SYS1: variants seen among roughly 807,000 people sequenced by gnomAD.
The protein encoded by SYS1 is SYS1 golgi trafficking protein.
Under a neutral mutation model 17.8 loss-of-function variants are expected in SYS1, and 8 were observed. That is an observed-to-expected ratio of 0.45 (90% CI 0.26 to 0.81). The LOEUF is 0.81. SYS1 is among the 40% of genes least tolerant of loss of function. The pLI, the probability that SYS1 is intolerant of heterozygous loss-of-function variation, is 0.16. For missense variants in SYS1, 161 were observed against 203.9 expected (o/e 0.79, Z 1.28); for synonymous variants, 95 against 90.9 (o/e 1.05, Z -0.26).
At position 45,365,638 on chromosome 20, in the gene SYS1, C is replaced by T. The variant is rs765679893; in HGVS notation, c.182C>T (p.Pro61Leu). The change falls in exon 3 of 4, where the codon CCT (proline) becomes CTT (leucine). Residue 61 changes from proline (P) to leucine (L), a missense_variant. Pro to Leu is a moderately conservative substitution (Grantham distance 98). Transcript: ENST00000243918. ...CCTCAGATCCTGGGCTTTTCCACCC[C>T]TCCAGGCCGGCTCTCCATGATGTCC... Reference protein sequence around the residue: ...FDAEILGFSTPPGRLSMMSFI... With the variant: ...FDAEILGFSTLPGRLSMMSFI... 17 of 1,614,050 alleles carry T rather than the reference C, an allele frequency of 1.1e-5. 1 individual carries two copies. The highest frequency in any genetic ancestry group is 1.6e-4 in the Middle Eastern group (1 of 6,084).
upstream of SYS1, chr20:45,362,045 G>C (rs1214688931): frequency 6.5e-5 from 64 of 984,622 alleles, no homozygotes; most frequent in Non-Finnish European, 7.6e-5. Context: ...TTATCGATTT[G>C]CTCTTGCTTT....
chr20:45,363,434 T>C, intron 1 of SYS1, 95 bp from the exon 2 acceptor site: 3 of 1,469,082 alleles, frequency 2.0e-6, no homozygotes, highest in Non-Finnish European at 1.8e-6. Flanking sequence ...ACTCTTGGAA[T>C]GGGCTCACCC....
exon 4 of SYS1, chr20:45,374,856 C>T (rs145520712): frequency 2.3e-5 from 17 of 755,200 alleles, no homozygotes; most frequent in Middle Eastern, 3.9e-4. Context: ...CTAGTCACTA[C>T]CCTTCTGTAT....
Position 45,364,465 on chromosome 20 carries a change from C to CTTTTTTTT in SYS1, c.162+789_162+796dup, listed in dbSNP as rs386393831. On this transcript the variant is annotated intron_variant, in intron 2 of 3. Coordinates refer to ENST00000243918, the MANE Select transcript of SYS1 (RefSeq NM_033542.4). The stretch of plus-strand genomic sequence containing the variant: ...CTGTGGCGTGGTGATGAGCACAGTT[C>CTTTTTTTT]TTTTTTTTTTTTTTTTTTTTTTTTG... Among the ~76,000 whole-genome samples, 23 of 80,130 alleles carry CTTTTTTTT rather than the reference C, an allele frequency of 2.9e-4. 3 individuals are homozygous for CTTTTTTTT. Among genetic ancestry groups the CTTTTTTTT allele is most frequent in the East Asian group, 8.7e-4 (2 of 2,304 alleles). The allele number at this position is 80,130 out of a possible 152,430, so 52.6% of individuals were successfully genotyped here.
intron 2 of SYS1, among the ~76,000 whole-genome samples, chr20:45,364,120 G>T (rs1490967969): frequency 1.3e-5 from 2 of 152,204 alleles, no homozygotes; most frequent in Admixed American, 6.5e-5. Context: ...GTGACCTGGG[G>T]CAAATGTCAC....
At position 45,368,930 on chromosome 20, in the gene SYS1, T is replaced by A; in HGVS notation, c.*1815T>A. On this transcript the variant is annotated 3_prime_UTR_variant, in exon 4 of 4. Transcript: ENST00000243918. The stretch of plus-strand genomic sequence containing the variant: ...GATTCACTTCAAGGTCTTGTGCCTA[T>A]TTTTCTGCATATCTTCTGTGATGAC... 5.3e-6 allele frequency: 5 copies of A among 935,570 alleles called. No homozygotes were observed. The highest frequency in any genetic ancestry group is 6.4e-6 in the Non-Finnish European group (5 of 784,330). 58.0% of individuals were successfully genotyped at this position (935,570 alleles called of 1,614,324 possible). A position where few individuals can be genotyped will look rare whatever the true frequency, so the allele number is the denominator to read the frequency against.
At chr20:45,375,492 G>A (rs952857402) in exon 4 of SYS1, 2 of 1,610,542 alleles carry the variant, frequency 1.2e-6, no homozygotes, top group South Asian at 1.1e-5. Context: ...CCTTCTCGGA[G>A]CACCCGATCT....
chr20:45,375,300 G>T (rs778788791), exon 4 of SYS1: 1 of 1,614,166 alleles, frequency 6.2e-7, no homozygotes, highest in East Asian at 2.2e-5. Context: ...GGACTCCAGG[G>T]TTCAAGCTAT....
At chr20:45,374,036 G>A, downstream of SYS1, 3 of 1,611,768 alleles carry the variant, frequency 1.9e-6, no homozygotes, top group Non-Finnish European at 2.5e-6. Context: ...CTCGGTGTTA[G>A]GCGCTAAGAC....
At chr20:45,373,516 GA>G, downstream of SYS1, 1 of 253,648 alleles carries the variant, frequency 3.9e-6, no homozygotes, top group South Asian at 6.4e-5. Flanking sequence ...CCTTTCTTGG[GA>G]AAATGGAATG....
chr20:45,366,491 A>C (rs867934730), intron 3 of SYS1, among the ~76,000 whole-genome samples: 4 of 152,186 alleles, frequency 2.6e-5, no homozygotes, highest in South Asian at 2.1e-4. Context: ...ATTTTATATA[A>C]AAATCCAGAT....
intron 2 of SYS1, among the ~76,000 whole-genome samples, chr20:45,364,394 T>G (rs1988332879): frequency 6.6e-6 from 1 of 151,796 alleles, no homozygotes; most frequent in Non-Finnish European, 1.5e-5. Flanking sequence ...GAAGGTACTT[T>G]GTAAAGTGTA....
chr20:45,363,455 G>C, intron 1 of SYS1, 74 bp from the exon 2 acceptor site: 1 of 1,505,584 alleles, frequency 6.6e-7, no homozygotes, highest in Admixed American at 2.0e-5. Flanking sequence ...CTTGGTTCCA[G>C]TCCCTCCTCC....
exon 4 of SYS1, chr20:45,375,702 G>T: frequency 2.2e-6 from 2 of 893,080 alleles, no homozygotes; most frequent in Non-Finnish European, 3.4e-6. Context: ...CCTTGTGCTG[G>T]TGTGAGGAGG....
exon 4 of SYS1, chr20:45,374,477 G>GC: frequency 1.8e-6 from 1 of 562,860 alleles, no homozygotes; most frequent in East Asian, 2.9e-5. Context: ...TCATTATGTT[G>GC]CCCAGGATGG....
chr20:45,375,035 C>T (rs761632054), exon 4 of SYS1: 4 of 1,609,220 alleles, frequency 2.5e-6, no homozygotes, highest in Non-Finnish European at 3.4e-6. Flanking sequence ...GTTGTCACAC[C>T]CACCTTGTAT....
At chr20:45,372,719 A>G (rs1988591082), downstream of SYS1, 1 of 151,592 alleles carries the variant, frequency 6.6e-6, no homozygotes, top group African/African-American at 2.4e-5. Context: ...TTGCACGGGA[A>G]TTAGCGGGGT....
At chr20:45,373,836 C>A, downstream of SYS1, 1 of 1,489,110 alleles carries the variant, frequency 6.7e-7, no homozygotes. Context: ...GGCCTCTTTC[C>A]TTCATCCTTC....
At chr20:45,374,571 C>G (rs1600755473) in exon 4 of SYS1, 2 of 492,756 alleles carry the variant, frequency 4.1e-6, no homozygotes, top group African/African-American at 1.9e-5. Context: ...CATGCCTAGC[C>G]TGTTCAGAGT....
Sources: gnomAD v4.1 joint callset for allele counts (sites outside exome capture counted in the v4.1 genomes callset) on GRCh38, gnomAD v4.1.1 for gene constraint, MANE v1.5 for transcripts, NCBI Gene and HGNC (gene_info 2026-07-23, HGNC 2026-07-21) for gene names.